EPN2: variants seen among roughly 807,000 people sequenced by gnomAD.
EPN2 encodes epsin 2.
A neutral mutation model predicts 61.7 loss-of-function variants in EPN2; 34 were observed. The ratio of observed to expected loss-of-function variants is 0.55; its 90% CI spans 0.42 to 0.73. The LOEUF is 0.73. EPN2 is among the 30% of genes least tolerant of loss of function. The pLI is 0.00. For missense variants in EPN2, 714 were observed against 839.2 expected (o/e 0.85, Z 1.84); for synonymous variants, 349 against 353.6 (o/e 0.99, Z 0.15).
chr17:19,284,501 C>G (rs549430881), intron 3 of EPN2, among the ~76,000 whole-genome samples: 1 of 152,294 alleles, frequency 6.6e-6, no homozygotes, highest in South Asian at 2.1e-4. Flanking sequence ...ACCCCACACT[C>G]AGAGAGACAG....
intron 5 of EPN2, 71 bp downstream of exon 5, chr17:19,310,068 G>A: frequency 1.9e-6 from 2 of 1,052,914 alleles, no homozygotes; most frequent in Non-Finnish European, 2.9e-6. Flanking sequence ...TCACTGGGAA[G>A]AAGATGGCAG....
At chr17:19,292,254 G>A (rs1016012518) in intron 4 of EPN2, among the ~76,000 whole-genome samples, 1 of 152,158 alleles carries the variant, frequency 6.6e-6, no homozygotes, top group African/African-American at 2.4e-5. Context: ...AGCAGGGCCC[G>A]CCCGGGGCTG....
chr17:19,271,323 CAGAT>C (rs1335919102), intron 1 of EPN2, among the ~76,000 whole-genome samples: 2 of 152,036 alleles, frequency 1.3e-5, no homozygotes, highest in African/African-American at 2.4e-5. Flanking sequence ...AGTCTAGTGA[CAGAT>C]AGAGGAAGGA....
chr17:19,253,352 T>C (rs2045035445), intron 1 of EPN2, among the ~76,000 whole-genome samples: 1 of 151,900 alleles, frequency 6.6e-6, no homozygotes, highest in Non-Finnish European at 1.5e-5. Flanking sequence ...TACCACAATT[T>C]ATTTATTTAG....
At chr17:19,316,671 A>G (rs921423814) in intron 7 of EPN2, among the ~76,000 whole-genome samples, 1 of 152,196 alleles carries the variant, frequency 6.6e-6, no homozygotes, top group Non-Finnish European at 1.5e-5. Flanking sequence ...TTACGTGTGT[A>G]TGTATGTGTA....
chr17:19,289,724 G>GTTTTTTTTT lies in EPN2; in HGVS notation c.766+3946_766+3954dup, dbSNP rs58087532. Among the ~76,000 whole-genome samples, 298 of 78,020 alleles carry GTTTTTTTTT rather than the reference G, an allele frequency of 3.8e-3. 37 individuals carry two copies. The highest frequency in any genetic ancestry group is 0.012 in the African/African-American group (247 of 20,898). 51.2% of individuals were successfully genotyped at this position (78,020 alleles called of 152,430 possible). A position where few individuals can be genotyped will look rare whatever the true frequency, so the allele number is the denominator to read the frequency against. On this transcript the variant is annotated intron_variant, in intron 4 of 10. Transcript: ENST00000314728. ...TGTTCGGCCTCACCTGGCGCTCATG[G>GTTTTTTTTT]TTTTTTTTTTTTTTTTTTTTGAGAT...
intron 4 of EPN2, among the ~76,000 whole-genome samples, chr17:19,287,208 G>T (rs1003458816): frequency 6.6e-6 from 1 of 151,858 alleles, no homozygotes. Flanking sequence ...GTGCCATTCC[G>T]TTCTCTCTGC....
Position 19,243,375 on chromosome 17 carries a change from G to T in EPN2, c.-294+5844G>T, listed in dbSNP as rs543892856. Among the ~76,000 whole-genome samples the T allele has an allele frequency of 6.8e-5, 10 of 146,198 alleles. No individual in the cohort carries two copies. In the South Asian group the frequency reaches 2.2e-3, roughly 32 times the overall value. Reference sequence around the variant, plus strand: ...TGGGATTACAGGTGTGTGCTACCATGCCTGGCTAATTTTTTTTTTTTTTTT... The same window carrying T: ...TGGGATTACAGGTGTGTGCTACCATTCCTGGCTAATTTTTTTTTTTTTTTT... On this transcript the variant is annotated intron_variant, in intron 1 of 10. Transcript: ENST00000314728.
At chr17:19,292,767 C>T (rs915564086) in intron 4 of EPN2, among the ~76,000 whole-genome samples, 8 of 152,270 alleles carry the variant, frequency 5.3e-5, no homozygotes, top group African/African-American at 1.9e-4. Flanking sequence ...GATCACCTCT[C>T]CTGGGCCTTT....
At chr17:19,286,460 A>C (rs1284104257) in intron 4 of EPN2, among the ~76,000 whole-genome samples, 1 of 152,168 alleles carries the variant, frequency 6.6e-6, no homozygotes, top group African/African-American at 2.4e-5. Context: ...AGAGCCTTAC[A>C]ACTGTAGCAG....
chr17:19,332,305 C>A (rs1828683696), intron 10 of EPN2, among the ~76,000 whole-genome samples: 1 of 151,984 alleles, frequency 6.6e-6, no homozygotes, highest in African/African-American at 2.4e-5. Flanking sequence ...TTGAGACTAC[C>A]AAGCAGAAAC....
intron 1 of EPN2, among the ~76,000 whole-genome samples, chr17:19,242,493 C>T (rs2044896037): frequency 6.6e-6 from 1 of 152,150 alleles, no homozygotes; most frequent in African/African-American, 2.4e-5. Context: ...GCTCCCTATC[C>T]ATGCATTGGA....
At chr17:19,242,613 G>C (rs2044897739) in intron 1 of EPN2, among the ~76,000 whole-genome samples, 1 of 151,866 alleles carries the variant, frequency 6.6e-6, no homozygotes, top group Non-Finnish European at 1.5e-5. Context: ...GGTCTAGGCA[G>C]AGTGTGCTTC....
intron 1 of EPN2, among the ~76,000 whole-genome samples, chr17:19,251,645 G>A (rs1032401586): frequency 2.0e-5 from 3 of 152,112 alleles, no homozygotes; most frequent in Non-Finnish European, 2.9e-5. Context: ...TATTGGCCAG[G>A]CTGGTTTTGA....
At chr17:19,322,740 TAA>T (rs59626137) in intron 7 of EPN2, among the ~76,000 whole-genome samples, 62 of 102,652 alleles carry the variant, frequency 6.0e-4, no homozygotes, top group Middle Eastern at 6.3e-3. Flanking sequence ...AACCTGTCTC[TAA>T]AAAAAAAAAA....
rs12602774 is a variant in EPN2, at chr17:19,310,184, G to A, written c.879+187G>A. Among the ~76,000 whole-genome samples the A allele has an allele frequency of 1.6e-3, 248 of 152,348 alleles. 4 individuals carry two copies. The East Asian group carries it at 0.044, about 27-fold the overall frequency. ...CCCAGTGTCCCTCCCAGTCAGGGAG[G>A]GATCCCATGCAAAGTTACATTTAGG... On this transcript the variant is annotated intron_variant, in intron 5 of 10. Transcript: ENST00000314728.
At chr17:19,321,022 C>CA (rs1555603591) in intron 7 of EPN2, among the ~76,000 whole-genome samples, 1 of 152,164 alleles carries the variant, frequency 6.6e-6, no homozygotes, top group Non-Finnish European at 1.5e-5. Context: ...CATGCTTTGG[C>CA]AAGGGGGACA....
In EPN2 at chr17:19,283,275, C is replaced by T; in HGVS notation, c.156C>T (p.Ala52=). ...EIADLTYNVV[A]FSEIMSMVWK... ...CCGACCTGACCTACAACGTGGTGGC[C>T]TTCTCGGAGATCATGAGCATGGTGT... The change falls in exon 3 of 11, where the codon GCC becomes GCT. Residue 52 remains alanine (A), a synonymous_variant. Transcript: ENST00000314728. This position sits in a 1 kb window ranked among gnomAD's most constrained non-coding sequence, Gnocchi z 7.0. The T allele has an allele frequency of 6.2e-7, 1 of 1,614,148 alleles. No homozygotes were observed. Among genetic ancestry groups the T allele is most frequent in the South Asian group, 1.1e-5 (1 of 91,072 alleles).
At chr17:19,288,760 G>T (rs944732576) in intron 4 of EPN2, among the ~76,000 whole-genome samples, 1 of 152,192 alleles carries the variant, frequency 6.6e-6, no homozygotes, top group Non-Finnish European at 1.5e-5. Flanking sequence ...GGGTCCTTTT[G>T]TGTCCATGTT....
Sources: allele counts gnomAD v4.1 joint callset (sites outside exome capture counted in the v4.1 genomes callset), GRCh38; gene constraint gnomAD v4.1.1; non-coding constraint Gnocchi (gnomAD v3.1); transcripts MANE v1.5; gene names NCBI Gene and HGNC (gene_info 2026-07-23, HGNC 2026-07-21).